The following USP2 variants were observed in gnomAD, a reference collection of about 807,000 sequenced individuals.
USP2 encodes ubiquitin specific peptidase 2.
A neutral mutation model predicts 72.0 loss-of-function variants in USP2; 33 were observed. That is an observed-to-expected ratio of 0.46 (90% CI 0.35 to 0.61). The LOEUF (loss-of-function observed/expected upper bound fraction) is 0.61. Among genes scored for constraint, USP2 ranks in the 20% least tolerant of loss-of-function variants. The probability of loss-of-function intolerance (pLI) is 0.01; values close to 1 mark genes in which losing one functional copy is unlikely to be tolerated. For synonymous variants in USP2, 296 were observed against 312.5 expected, an observed-to-expected ratio of 0.95 and a Z score of 0.56; for missense variants, 691 against 797.8, an observed-to-expected ratio of 0.87 and a Z score of 1.61.
intron 2 of USP2, chr11:119,363,830 C>G (rs1247509449): frequency 2.2e-6 from 3 of 1,385,826 alleles, no homozygotes; most frequent in Non-Finnish European, 2.8e-6. Flanking sequence ...GCGGGGGTCC[C>G]GGAAAAGGGC....
chr11:119,376,381 C>T, intron 1 of USP2: 1 of 985,520 alleles, frequency 1.0e-6, no homozygotes, highest in East Asian at 1.1e-4. Flanking sequence ...CTGAATGGCC[C>T]TTTCATGGGG....
At position 119,379,917 on chromosome 11, in the gene USP2, C is replaced by CTTTTTT. The variant is rs397816714; in HGVS notation, c.-42+1550_-42+1555dup. On this transcript the variant is annotated intron_variant, in intron 1 of 12. Transcript: ENST00000260187. ...TACTCCTGGGGAAGTGTTCCTTTCT[C>CTTTTTT]TTTTTTTTTTTTTTTTTTTGAGACG... 5.0e-4 allele frequency among the ~76,000 whole-genome samples: 58 copies of CTTTTTT among 116,534 alleles called. 5 individuals are homozygous for CTTTTTT. The highest frequency in any genetic ancestry group is 1.0e-3 in the East Asian group (4 of 3,896). 76.5% of individuals were successfully genotyped at this position (116,534 alleles called of 152,430 possible).
intron 2 of USP2, 21 bp downstream of exon 2, chr11:119,372,686 G>C: frequency 6.6e-7 from 1 of 1,506,554 alleles, no homozygotes; most frequent in Non-Finnish European, 8.8e-7. Context: ...GCCTATCCCC[G>C]GTCCCCAAGG....
At chr11:119,364,059 TC>T in intron 2 of USP2, 1 of 1,257,018 alleles carries the variant, frequency 8.0e-7, no homozygotes. Flanking sequence ...GCGGGGGGAG[TC>T]CCCGCGCGGT....
chr11:119,378,749 T>C (rs1951029709), intron 1 of USP2, among the ~76,000 whole-genome samples: 1 of 152,038 alleles, frequency 6.6e-6, no homozygotes, highest in Non-Finnish European at 1.5e-5. Flanking sequence ...TTGGGATCCT[T>C]AAATTCTCTT....
rs1338128121 is a variant in USP2 at position 119,372,910 on chromosome 11, A to G, written c.571T>C (p.Cys191Arg). ...TLQGLYQTAS[C>R]PEYLVDYLEN... is the part of the protein sequence containing the mutation. ...AGGTAGTCGACCAGGTATTCAGGGC[A>G]GCTGGCTGTCTGGTAGAGCCCCTGC... Residue 191 changes from cysteine (C) to arginine (R), a missense_variant, in exon 2 of 13, where the codon TGC becomes CGC. Transcript: ENST00000260187. 6.2e-7 allele frequency: 1 copy of G among 1,612,302 alleles called. No individual in the cohort carries two copies. Among genetic ancestry groups the G allele is most frequent in the South Asian group, 1.1e-5 (1 of 91,034 alleles).
At chr11:119,372,479 C>T (rs1038668335) in intron 2 of USP2, among the ~76,000 whole-genome samples, 1 of 152,234 alleles carries the variant, frequency 6.6e-6, no homozygotes, top group Non-Finnish European at 1.5e-5. Flanking sequence ...CTGGACTATC[C>T]TCGAGTGCGC....
At position 119,357,482 on chromosome 11, in the gene USP2, CTGG is replaced by C. The variant is rs1404471940; in HGVS notation, c.1607_1609del (p.Thr536del). ...TGCCCTGCCTACTCAAAGATACTCA[CTGG>C]TGTTTTCTGAGGCAAATTCTCTTAA... On this transcript the variant is annotated inframe_deletion and splice_region_variant, in exon 11 of 13. Transcript: ENST00000260187. 6.2e-7 allele frequency: 1 copy of C among 1,614,050 alleles called. No homozygotes were observed. Among genetic ancestry groups the C allele is most frequent in the Non-Finnish European group, 8.5e-7 (1 of 1,180,042 alleles).
At chr11:119,374,786 C>A (rs1950978744) in intron 1 of USP2, among the ~76,000 whole-genome samples, 1 of 152,142 alleles carries the variant, frequency 6.6e-6, no homozygotes, top group South Asian at 2.1e-4. Flanking sequence ...CAGAGCCATC[C>A]AGGACTCTCA....
rs567314831 is a variant in USP2, at chr11:119,360,315, C to G, written c.775-81G>C. The G allele has an allele frequency of 5.6e-6, 8 of 1,423,434 alleles. 1 individual carries two copies. The highest frequency in any genetic ancestry group is 7.9e-6 in the Non-Finnish European group (8 of 1,017,768). The allele number at this position is 1,423,434 out of a possible 1,614,324, so 88.2% of individuals were successfully genotyped here. ...TGGGCTCTCTCGTGCAATTTCTAAC[C>G]AGCTGGAGCCACAGGCAGCAGGCCA... On this transcript the variant is annotated intron_variant, in intron 2 of 12. Coordinates refer to ENST00000260187, the MANE Select transcript of USP2 (RefSeq NM_004205.5).
At chr11:119,357,100 AGGGGGGTGGGTTT>A in intron 12 of USP2, 74 bp downstream of exon 12, 1 of 489,612 alleles carries the variant, frequency 2.0e-6, no homozygotes, top group Non-Finnish European at 2.5e-6. Context: ...GGGGGGTGGG[AGGGGGGTGGGTTT>A]GGGGGGAGGG....
rs1396968845 is a variant in USP2 at position 119,381,510 on chromosome 11, A to AC, written c.-80dup. On this transcript the variant is annotated 5_prime_UTR_variant, in exon 1 of 13. It introduces an in-frame stop codon into an upstream open reading frame of the 5' UTR. Transcript: ENST00000260187. ...GGAGTATGGACGAGTCGAACCGGGC[A>AC]CAAGCATGGAGCTGCGGGTGAGTCC... The AC allele has an allele frequency of 9.1e-6, 14 of 1,536,024 alleles. No individual in the cohort carries two copies. The Admixed American group carries it at 1.4e-4, about 15-fold the overall frequency.
chr11:119,379,262 G>A (rs1373103601), intron 1 of USP2: 3 of 985,426 alleles, frequency 3.0e-6, no homozygotes, highest in Non-Finnish European at 3.6e-6. Flanking sequence ...CTGCCCTTTC[G>A]GGCCAGTGCC....
Position 119,373,100 on chromosome 11 carries a change from G to A in USP2, c.381C>T (p.Ile127=), listed in dbSNP as rs1950955339. 1 of 1,614,144 alleles carries A rather than the reference G, an allele frequency of 6.2e-7. No individual in the cohort carries two copies. ...VTNNCLSYLP[I]NAYDQGVTLT... ...GGGTCACCCCCTGGTCATAGGCATT[G>A]ATGGGCAGGTAGCTGAGGCAGTTGT... The change falls in exon 2 of 13, where the codon ATC becomes ATT. Residue 127 remains isoleucine (I), a synonymous_variant. Transcript: ENST00000260187.
At chr11:119,366,786 C>G (rs944629657) in intron 2 of USP2, among the ~76,000 whole-genome samples, 3 of 152,224 alleles carry the variant, frequency 2.0e-5, no homozygotes, top group African/African-American at 7.2e-5. Context: ...TGCTCACCCA[C>G]TATAGCATTT....
rs1451037206 is a variant in USP2 at position 119,357,111 on chromosome 11, T to A, written c.1730+76A>T. ...GTGCGGGGGGTGGGAGGGGGGTGGG[T>A]TTGGGGGGAGGGTGGAGGAGTGGGG... On this transcript the variant is annotated intron_variant, in intron 12 of 12. Transcript: ENST00000260187. 20 of 753,654 alleles carry A rather than the reference T, an allele frequency of 2.7e-5. No homozygotes were observed. The East Asian group carries it at 1.0e-3, about 39-fold the overall frequency. 46.7% of individuals were successfully genotyped at this position (753,654 alleles called of 1,614,324 possible). A position where few individuals can be genotyped will look rare whatever the true frequency, so the allele number is the denominator to read the frequency against.
intron 1 of USP2, among the ~76,000 whole-genome samples, chr11:119,373,894 G>GCACTCA (rs1286180704): frequency 2.0e-5 from 3 of 152,206 alleles, no homozygotes; most frequent in Non-Finnish European, 4.4e-5. Flanking sequence ...CTTGAGCTGG[G>GCACTCA]GGAATGCCAC....
intron 1 of USP2, among the ~76,000 whole-genome samples, chr11:119,376,831 A>G (rs1816783069): frequency 2.6e-5 from 4 of 152,268 alleles, no homozygotes; most frequent in Admixed American, 6.5e-5. Context: ...GCAGTCTCAC[A>G]TCAGCTCTCA....
chr11:119,379,025 G>C, intron 1 of USP2: 1 of 985,506 alleles, frequency 1.0e-6, no homozygotes, highest in Non-Finnish European at 1.2e-6. Context: ...AGGGGCACTG[G>C]ATGGGAGCTG....
Sources: gnomAD v4.1 joint callset for allele counts (sites outside exome capture counted in the v4.1 genomes callset) on GRCh38, gnomAD v4.1.1 for gene constraint, MANE v1.5 for transcripts, NCBI Gene and HGNC (gene_info 2026-07-23, HGNC 2026-07-21) for gene names.